Variants in CD2AP observed in about 807,000 individuals in gnomAD.
The protein encoded by CD2AP is CD2-associated protein.
A neutral mutation model predicts 85.1 loss-of-function variants in CD2AP; 46 were observed. The ratio of observed to expected loss-of-function variants is 0.54; its 90% confidence interval spans 0.43 to 0.69. The LOEUF (loss-of-function observed/expected upper bound fraction) is 0.69, where lower values mean the gene tolerates loss of function less well. Among genes scored for constraint, CD2AP ranks in the 30% least tolerant of loss-of-function variants. CD2AP has a pLI of 0.00. For missense variants in CD2AP, 769 were observed against 729.5 expected (o/e 1.05, Z -0.62); for synonymous variants, 255 against 252.9 (o/e 1.01, Z -0.08).
chr6:47,555,625 AT>A (rs1767661383), intron 5 of CD2AP, among the ~76,000 whole-genome samples: 1 of 152,174 alleles, frequency 6.6e-6, no homozygotes, highest in Non-Finnish European at 1.5e-5. Context: ...AAGTTGTAAG[AT>A]TGCTCAGACT....
Position 47,602,249 on chromosome 6 carries a change from CTTT to C in CD2AP, c.1417+2809_1417+2811del, listed in dbSNP as rs1769161845. ...TTCTTTTTTTAATGACATGACATAA[CTTT>C]TTAGCTTCTTCATATATATTCTCAT... On this transcript the variant is annotated intron_variant, in intron 13 of 17. Transcript: ENST00000359314. 2.0e-5 allele frequency among the ~76,000 whole-genome samples: 3 copies of C among 151,676 alleles called. No homozygotes were observed. The South Asian group carries it at 6.2e-4, about 31-fold the overall frequency.
chr6:47,594,518 A>G (rs2114128437), intron 11 of CD2AP, among the ~76,000 whole-genome samples: 1 of 152,080 alleles, frequency 6.6e-6, no homozygotes, highest in East Asian at 1.9e-4. Context: ...CTTCTCTTTA[A>G]TTTATATCCT....
At chr6:47,514,127 C>T (rs1257178848) in intron 2 of CD2AP, among the ~76,000 whole-genome samples, 1 of 152,086 alleles carries the variant, frequency 6.6e-6, no homozygotes, top group African/African-American at 2.4e-5. Flanking sequence ...ATGTATTCCT[C>T]GTAAATGCTT....
intron 17 of CD2AP, 102 bp from the exon 18 acceptor site, chr6:47,624,084 C>T: frequency 1.0e-6 from 1 of 992,988 alleles, no homozygotes; most frequent in Non-Finnish European, 1.6e-6. Context: ...GAAAAAAAGT[C>T]TGAAGGCTTG....
At chr6:47,530,117 A>G (rs1394193788) in intron 2 of CD2AP, among the ~76,000 whole-genome samples, 1 of 152,118 alleles carries the variant, frequency 6.6e-6, no homozygotes, top group East Asian at 1.9e-4. Context: ...CCTTAACACC[A>G]CTGAATTTAT....
chr6:47,598,932 AT>A (rs1042763444), intron 12 of CD2AP, among the ~76,000 whole-genome samples: 12 of 150,696 alleles, frequency 8.0e-5, no homozygotes, highest in African/African-American at 2.7e-4. Context: ...AATAAAAAAA[AT>A]TTAAAAAAAA....
At chr6:47,549,460 C>CA (rs67626138) in intron 4 of CD2AP, among the ~76,000 whole-genome samples, 8,004 of 110,640 alleles carry the variant, frequency 0.072, 404 homozygotes, top group South Asian at 0.11. Flanking sequence ...ACAATAGCTG[C>CA]AAAAAAAAAA....
chr6:47,599,336 T>C lies in CD2AP; in HGVS notation c.1310T>C (p.Phe437Ser), dbSNP rs1387523872. ...GAAGTTTCTAGCATTTCATCAAAAT[T>C]TGAAACTGAGCCAGTATCAAAACTA... is the stretch of plus-strand genomic sequence containing the variant. The part of the protein sequence containing the change: ...NGEVSSISSK[F>S]ETEPVSKLKL... The change falls in exon 13 of 18, where the codon TTT becomes TCT. Residue 437 changes from phenylalanine (F) to serine (S), a missense_variant. Phe to Ser is a radical substitution (Grantham distance 155). Transcript: ENST00000359314. The C allele has an allele frequency of 6.2e-7, 1 of 1,612,436 alleles. No homozygotes were observed. The highest frequency in any genetic ancestry group is 2.2e-5 in the East Asian group (1 of 44,768).
At chr6:47,545,987 G>T (rs908485255) in intron 4 of CD2AP, among the ~76,000 whole-genome samples, 1 of 151,970 alleles carries the variant, frequency 6.6e-6, no homozygotes, top group African/African-American at 2.4e-5. Flanking sequence ...TCACCAGCAA[G>T]GTATCCAAAC....
At chr6:47,489,832 T>G (rs1030599853) in intron 1 of CD2AP, among the ~76,000 whole-genome samples, 1 of 152,200 alleles carries the variant, frequency 6.6e-6, no homozygotes, top group South Asian at 2.1e-4. Flanking sequence ...GAAGGAAGAT[T>G]GTTGAGTTAA....
At chr6:47,599,632 T>A (rs1156639600) in intron 13 of CD2AP, among the ~76,000 whole-genome samples, 189 bp downstream of exon 13, 1 of 152,038 alleles carries the variant, frequency 6.6e-6, no homozygotes, top group Non-Finnish European at 1.5e-5. Flanking sequence ...ATTTTTATGG[T>A]CCTTACTGAT....
At chr6:47,539,427 A>G (rs1477423733) in intron 3 of CD2AP, among the ~76,000 whole-genome samples, 1 of 152,226 alleles carries the variant, frequency 6.6e-6, no homozygotes, top group African/African-American at 2.4e-5. Context: ...AGACCCACAG[A>G]AATAAGCAAG....
At chr6:47,560,949 T>C (rs967452748) in intron 5 of CD2AP, among the ~76,000 whole-genome samples, 5 of 152,194 alleles carry the variant, frequency 3.3e-5, no homozygotes, top group Admixed American at 6.5e-5. Context: ...ACTTAATATT[T>C]TACTCTAAAG....
At chr6:47,607,888 T>G (rs1377655042) in intron 14 of CD2AP, 39 bp from the exon 15 acceptor site, 1 of 1,342,886 alleles carries the variant, frequency 7.4e-7, no homozygotes, top group Admixed American at 1.8e-5. Context: ...TTCTTTTCTT[T>G]GGTCTATTAT....
At chr6:47,554,021 A>G (rs746853850) in intron 4 of CD2AP, among the ~76,000 whole-genome samples, 4 of 151,954 alleles carry the variant, frequency 2.6e-5, no homozygotes, top group East Asian at 1.9e-4. Context: ...CAGTGCCACA[A>G]TTGGGCTCAG....
At chr6:47,489,482 G>A (rs1442565697) in intron 1 of CD2AP, among the ~76,000 whole-genome samples, 3 of 151,934 alleles carry the variant, frequency 2.0e-5, no homozygotes, top group Admixed American at 6.6e-5. Context: ...GGCTGCACTC[G>A]ACTAGTTTTT....
chr6:47,612,620 G>A, intron 17 of CD2AP, 84 bp downstream of exon 17: 5 of 888,366 alleles, frequency 5.6e-6, no homozygotes, highest in South Asian at 4.2e-5. Context: ...ATCGGTTCCT[G>A]TACAAATTAT....
chr6:47,511,672 C>A (rs1766316438), intron 2 of CD2AP, among the ~76,000 whole-genome samples: 1 of 152,088 alleles, frequency 6.6e-6, no homozygotes, highest in South Asian at 2.1e-4. Context: ...AAAAAAATTA[C>A]CCTTAGGTAA....
At chr6:47,577,315 T>C (rs897673337) in intron 8 of CD2AP, among the ~76,000 whole-genome samples, 1 of 152,180 alleles carries the variant, frequency 6.6e-6, no homozygotes, top group African/African-American at 2.4e-5. Context: ...ATATTTGTTG[T>C]AATTTACATA....
Sources: gnomAD v4.1 joint callset for allele counts (sites outside exome capture counted in the v4.1 genomes callset) on GRCh38, gnomAD v4.1.1 for gene constraint, MANE v1.5 for transcripts, NCBI Gene and HGNC (gene_info 2026-07-23, HGNC 2026-07-21) for gene names.